The following ITPKA variants were observed in gnomAD, a reference collection of about 807,000 sequenced individuals.
ITPKA encodes the protein IP3 3-kinase A.
Under a neutral mutation model 40.7 loss-of-function variants are expected in ITPKA, and 16 were observed. The ratio of observed to expected loss-of-function variants is 0.39; its 90% CI spans 0.27 to 0.60. The LOEUF is 0.60. Among genes scored for constraint, ITPKA ranks in the 20% least tolerant of loss-of-function variants. ITPKA has a pLI of 0.50. For synonymous variants in ITPKA, 313 were observed against 289.9 expected (o/e 1.08, Z -0.81); for missense variants, 540 against 649.3 (o/e 0.83, Z 1.83).
In ITPKA at chr15:41,501,656, C is replaced by T. The variant is rs776947765; in HGVS notation, c.608C>T (p.Thr203Ile). The T allele has an allele frequency of 5.0e-6, 8 of 1,608,276 alleles. No homozygotes were observed. The highest frequency in any genetic ancestry group is 1.7e-5 in the Admixed American group (1 of 59,678). The stretch of plus-strand genomic sequence containing the variant: ...TCAGGGAGTTTTAAGGCGGCGGGCA[C>T]CAGCGGGCTGATCCTGAAGCGCTGC... Reference protein sequence around the residue: ...GHTGSFKAAGTSGLILKRCSE... With the variant: ...GHTGSFKAAGISGLILKRCSE... The change falls in exon 3 of 7, where the codon ACC (threonine) becomes ATC (isoleucine). Residue 203 changes from threonine (T) to isoleucine (I), a missense_variant. Transcript: ENST00000260386.
At chr15:41,502,367 G>A (rs779154464) in intron 4 of ITPKA, 35 bp from the exon 5 acceptor site, 10 of 1,497,578 alleles carry the variant, frequency 6.7e-6, no homozygotes, top group African/African-American at 2.8e-5. Context: ...CCACTGGCGG[G>A]CCCGGGGCCC....
In ITPKA at chr15:41,494,952, G is replaced by A. The variant is rs957052234; in HGVS notation, c.489+536G>A. ...CCGCACGAGGCGTGGACGCAGGGGA[G>A]GGAGGGGCGTGGGCCTGGGAGCTCT... On this transcript the variant is annotated intron_variant, in intron 1 of 6. Transcript: ENST00000260386. The surrounding 1 kb of genome is among the most constrained non-coding windows in gnomAD (Gnocchi z 7.8). Among the ~76,000 whole-genome samples, 12 of 152,342 alleles carry A rather than the reference G, an allele frequency of 7.9e-5. No homozygotes were observed. Among genetic ancestry groups the A allele is most frequent in the Admixed American group, 5.9e-4 (9 of 15,308 alleles).
At chr15:41,500,371 G>A (rs2051101345) in intron 1 of ITPKA, among the ~76,000 whole-genome samples, 1 of 152,306 alleles carries the variant, frequency 6.6e-6, no homozygotes, top group South Asian at 2.1e-4. Flanking sequence ...GAGAGGCTTG[G>A]AGAGCCTTTT....
rs2051060499 is a variant in ITPKA at position 41,494,966 on chromosome 15, C to T, written c.489+550C>T. 6.6e-6 allele frequency among the ~76,000 whole-genome samples: 1 copy of T among 152,212 alleles called. No individual in the cohort carries two copies. Among genetic ancestry groups the T allele is most frequent in the Non-Finnish European group, 1.5e-5 (1 of 68,028 alleles). On this transcript the variant is annotated intron_variant, in intron 1 of 6. Transcript: ENST00000260386. This position sits in a 1 kb window ranked among gnomAD's most constrained non-coding sequence, Gnocchi z 7.8. ...GACGCAGGGGAGGGAGGGGCGTGGGCCTGGGAGCTCTGGCTGGGAGCGGAA... is the reference window on the plus strand; with the variant it reads ...GACGCAGGGGAGGGAGGGGCGTGGGTCTGGGAGCTCTGGCTGGGAGCGGAA...
At position 41,494,560 on chromosome 15, in the gene ITPKA, A is replaced by T. The variant is rs953826558; in HGVS notation, c.489+144A>T. On this transcript the variant is annotated intron_variant, in intron 1 of 6. Coordinates refer to ENST00000260386, the MANE Select transcript of ITPKA (RefSeq NM_002220.3). The surrounding 1 kb of genome is among the most constrained non-coding windows in gnomAD (Gnocchi z 7.8). Reference sequence around the variant, plus strand: ...GCGGTTTAGGAGGAATCTGGGGGTCAGAGGGAGGCGCCTGGCCGACCTCTC... The same window carrying T: ...GCGGTTTAGGAGGAATCTGGGGGTCTGAGGGAGGCGCCTGGCCGACCTCTC... The T allele has an allele frequency of 7.2e-6, 4 of 552,646 alleles. No homozygotes were observed. The highest frequency in any genetic ancestry group is 1.2e-5 in the Non-Finnish European group (4 of 345,448). The allele number at this position is 552,646 out of a possible 1,614,324, so 34.2% of individuals were successfully genotyped here.
rs1383310255 is a variant in ITPKA, at chr15:41,503,374, C to CACTA, written c.*212_*215dup. The CACTA allele has an allele frequency of 1.0e-5, 6 of 598,424 alleles. No homozygotes were observed. Among genetic ancestry groups the CACTA allele is most frequent in the South Asian group, 7.9e-5 (4 of 50,488 alleles). 37.1% of individuals were successfully genotyped at this position (598,424 alleles called of 1,614,324 possible). A position where few individuals can be genotyped will look rare whatever the true frequency, so the allele number is the denominator to read the frequency against. ...CCCCAGCGTTCCCAGAGCCAAATGA[C>CACTA]ACTAACTTATAGAAGGGGAGGGGGC... On this transcript the variant is annotated 3_prime_UTR_variant, in exon 7 of 7. Coordinates refer to ENST00000260386, the MANE Select transcript of ITPKA (RefSeq NM_002220.3).
chr15:41,502,297 C>A, intron 4 of ITPKA, 96 bp downstream of exon 4: 1 of 1,354,668 alleles, frequency 7.4e-7, no homozygotes. Context: ...TCCGCCCTCT[C>A]CCACCGCCTC....
At chr15:41,502,333 CGCTGCT>C (rs1566858733) in intron 4 of ITPKA, 63 bp from the exon 5 acceptor site, 2 of 1,381,334 alleles carry the variant, frequency 1.4e-6, no homozygotes, top group African/African-American at 2.9e-5. Context: ...TGGGAGGTAC[CGCTGCT>C]CTACGCTGTC....
intron 1 of ITPKA, among the ~76,000 whole-genome samples, chr15:41,495,475 C>G (rs1480926747): frequency 6.6e-6 from 1 of 152,202 alleles, no homozygotes; most frequent in African/African-American, 2.4e-5. Flanking sequence ...GAAGCTGTGG[C>G]GACCTGCAGG....
rs372858233 is a variant in ITPKA, at chr15:41,501,985, G to A, written c.804-12G>A. 49 of 1,610,364 alleles carry A rather than the reference G, an allele frequency of 3.0e-5. No individual in the cohort carries two copies. Among genetic ancestry groups the A allele is most frequent in the Non-Finnish European group, 3.7e-5 (44 of 1,178,232 alleles). ...CCCCCTCATGCCCTGGCCGCTGCCT[G>A]CGCCCCCACAGGACTTACCTAGAGG... On this transcript the variant is annotated splice_polypyrimidine_tract_variant and intron_variant, in intron 3 of 6. Transcript: ENST00000260386.
At chr15:41,497,482 C>T (rs2051081592) in intron 1 of ITPKA, among the ~76,000 whole-genome samples, 1 of 152,170 alleles carries the variant, frequency 6.6e-6, no homozygotes, top group African/African-American at 2.4e-5. Context: ...TCTGCCTTGG[C>T]CTCCCAAAGT....
At chr15:41,499,292 C>A (rs569785867) in intron 1 of ITPKA, among the ~76,000 whole-genome samples, 1 of 152,164 alleles carries the variant, frequency 6.6e-6, no homozygotes, top group Non-Finnish European at 1.5e-5. Context: ...GGATTGGGCA[C>A]GTGATCACAC....
In ITPKA at chr15:41,502,501, C is replaced by T. The variant is rs2051123778; in HGVS notation, c.1108C>T (p.Leu370=). The change falls in exon 5 of 7, where the codon CTG becomes TTG. Residue 370 remains leucine (L), a splice_region_variant and synonymous_variant. Transcript: ENST00000260386. ...EEFVQGDEEV[L]RRYLNRLQQI... The stretch of plus-strand genomic sequence containing the variant: ...GTTTGTGCAAGGAGATGAGGAAGTG[C>T]TGGTGAGAGCGGGATCCCAAACCCT... 4 of 1,554,218 alleles carry T rather than the reference C, an allele frequency of 2.6e-6. No individual in the cohort carries two copies. The highest frequency in any genetic ancestry group is 1.4e-5 in the African/African-American group (1 of 73,878).
chr15:41,502,847 C>T lies in ITPKA; in HGVS notation c.1170C>T (p.Phe390=). The change falls in exon 6 of 7, where the codon TTC becomes TTT. Residue 390 remains phenylalanine, a synonymous_variant. Transcript: ENST00000260386. The stretch of plus-strand genomic sequence containing the variant: ...ACACCCTGGAGGTATCCGAGTTCTT[C>T]AGGAGGCACGAGGTAAGCGGCGGCT... ...IRDTLEVSEF[F]RRHEVIGSSL... The T allele has an allele frequency of 1.9e-6, 3 of 1,612,944 alleles. No homozygotes were observed. The highest frequency in any genetic ancestry group is 2.5e-6 in the Non-Finnish European group (3 of 1,179,584).
In ITPKA at chr15:41,501,574, G is replaced by A; in HGVS notation, c.586+15G>A. 3.5e-6 allele frequency: 4 copies of A among 1,140,618 alleles called. No homozygotes were observed. Among genetic ancestry groups the A allele is most frequent in the South Asian group, 1.3e-5 (1 of 76,164 alleles). The allele number at this position is 1,140,618 out of a possible 1,614,324, so 70.7% of individuals were successfully genotyped here. ...AGGGCACACTGGTGAGCAGTGGGGCGGGTGGGCGGGTGCCCGCGACGGGAA... is the reference window on the plus strand; with the variant it reads ...AGGGCACACTGGTGAGCAGTGGGGCAGGTGGGCGGGTGCCCGCGACGGGAA... On this transcript the variant is annotated intron_variant, in intron 2 of 6. Coordinates refer to ENST00000260386, the MANE Select transcript of ITPKA (RefSeq NM_002220.3).
chr15:41,503,034 C>T lies in ITPKA; in HGVS notation c.1254C>T (p.Gly418=), dbSNP rs748761254. 7 of 1,611,004 alleles carry T rather than the reference C, an allele frequency of 4.3e-6. No homozygotes were observed. ...HRAGVWLIDF[G]KTTPLPDGQI... is the part of the protein sequence containing the mutation. ...CCGGCGTGTGGCTCATCGACTTCGG[C>T]AAGACCACGCCCCTCCCCGATGGCC... Residue 418 remains glycine, a synonymous_variant, in exon 7 of 7, where the codon GGC becomes GGT. Coordinates refer to ENST00000260386, the MANE Select transcript of ITPKA (RefSeq NM_002220.3).
intron 1 of ITPKA, among the ~76,000 whole-genome samples, chr15:41,496,660 G>A (rs933162431): frequency 1.2e-4 from 18 of 152,278 alleles, no homozygotes; most frequent in African/African-American, 4.3e-4. Flanking sequence ...TGTGCTCCAG[G>A]ATAGGTAAGG....
chr15:41,500,416 C>G (rs988712399), intron 1 of ITPKA, among the ~76,000 whole-genome samples: 3 of 152,160 alleles, frequency 2.0e-5, no homozygotes, highest in Non-Finnish European at 4.4e-5. Flanking sequence ...CAGGCCCTGC[C>G]AGGCTGGCCT....
At chr15:41,498,982 T>G (rs2051092378) in intron 1 of ITPKA, among the ~76,000 whole-genome samples, 1 of 152,142 alleles carries the variant, frequency 6.6e-6, no homozygotes, top group Admixed American at 6.5e-5. Context: ...CTTGATTTCC[T>G]TCTGTAAAAT....
Sources: allele counts gnomAD v4.1 joint callset (sites outside exome capture counted in the v4.1 genomes callset), GRCh38; gene constraint gnomAD v4.1.1; non-coding constraint Gnocchi (gnomAD v3.1); transcripts MANE v1.5; gene names NCBI Gene and HGNC (gene_info 2026-07-23, HGNC 2026-07-21).